The following FHAD1 variants were observed in gnomAD, a reference collection of about 807,000 sequenced individuals.
The protein encoded by FHAD1 is forkhead associated phosphopeptide binding domain 1.
FHAD1 carries 146 observed loss-of-function variants against 191.3 expected under a neutral mutation model. The observed-to-expected ratio is 0.76, with a 90% confidence interval of 0.67 to 0.88. The LOEUF is 0.88. Ranked by LOEUF, FHAD1 falls within the 40% of genes least tolerant of loss-of-function variation. The pLI is 0.00. For missense variants in FHAD1, 1,635 were observed against 1,785.8 expected, an observed-to-expected ratio of 0.92 and a Z score of 1.52; for synonymous variants, 616 against 672.3, an observed-to-expected ratio of 0.92 and a Z score of 1.29.
intron 6 of FHAD1, among the ~76,000 whole-genome samples, chr1:15,303,528 T>C (rs1669463957): frequency 6.6e-6 from 1 of 152,232 alleles, no homozygotes; most frequent in Non-Finnish European, 1.5e-5. Context: ...TCTGGAAATT[T>C]ATCTTTCACC....
rs567495909 is a variant in FHAD1 at position 15,279,433 on chromosome 1, T to C, written c.300+6904T>C. Among the ~76,000 whole-genome samples the C allele has an allele frequency of 3.4e-5, 5 of 145,616 alleles. No homozygotes were observed. In the South Asian group the frequency reaches 1.1e-3, roughly 33 times the overall value. ...TGCTCAAGGGATGCTCAGGAATCTG[T>C]CTGTTAGGGTTACCTCTCTCGGCTT... On this transcript the variant is annotated intron_variant, in intron 3 of 33. Coordinates refer to ENST00000688493, the MANE Select transcript of FHAD1 (RefSeq NM_001391957.1).
intron 33 of FHAD1, among the ~76,000 whole-genome samples, chr1:15,396,450 GTGCTCATATCTGTGTGT>G (rs1339621321): frequency 6.6e-6 from 1 of 152,072 alleles, no homozygotes; most frequent in South Asian, 2.1e-4. Flanking sequence ...TATCTCTTTT[GTGCTCATATCTGTGTGT>G]GTATATATAT....
At chr1:15,341,438 C>T (rs75744811) in intron 15 of FHAD1, among the ~76,000 whole-genome samples, 2,999 of 152,312 alleles carry the variant, frequency 0.02, 110 homozygotes, top group African/African-American at 0.067. Flanking sequence ...GTGCTCAGCA[C>T]TGTGCTAAAA....
Position 15,247,328 on chromosome 1 carries a change from GC to G in FHAD1, c.-79del. On this transcript the variant is annotated 5_prime_UTR_variant, in exon 1 of 34. Transcript: ENST00000688493. ...GCCGGGAGGCTTCGCCCCGGAGCTGGCCCGACGCCTCCCGAGCTGGCAGGGC... is the reference window on the plus strand; with the variant it reads ...GCCGGGAGGCTTCGCCCCGGAGCTGGCCGACGCCTCCCGAGCTGGCAGGGC... The G allele has an allele frequency of 4.3e-6, 1 of 235,196 alleles. No individual in the cohort carries two copies. The highest frequency in any genetic ancestry group is 3.3e-5 in the South Asian group (1 of 30,054). 14.6% of individuals were successfully genotyped at this position (235,196 alleles called of 1,614,324 possible). A position where few individuals can be genotyped will look rare whatever the true frequency, so the allele number is the denominator to read the frequency against.
intron 16 of FHAD1, among the ~76,000 whole-genome samples, chr1:15,344,176 G>A (rs186552807): frequency 6.6e-6 from 1 of 152,280 alleles, no homozygotes; most frequent in East Asian, 1.9e-4. Flanking sequence ...GGGACTCCTT[G>A]GAAAGTTACC....
chr1:15,281,038 A>G (rs1660428489), intron 3 of FHAD1, among the ~76,000 whole-genome samples: 1 of 152,162 alleles, frequency 6.6e-6, no homozygotes, highest in South Asian at 2.1e-4. Context: ...GTATAATCCC[A>G]ATTTCTGGAA....
At chr1:15,401,151 A>C (rs558829206), downstream of FHAD1, among the ~76,000 whole-genome samples, 100 of 152,314 alleles carry the variant, frequency 6.6e-4, no homozygotes, top group Admixed American at 1.7e-3. Context: ...TCCTGTGGCT[A>C]ACTTAAACAG....
chr1:15,343,297 G>C lies in FHAD1; in HGVS notation c.2130+1409G>C, dbSNP rs1211417792. Reference sequence around the variant, plus strand: ...CCGGGTGGTCGCAAAGTGCAGCCACGGTTGCGAGCCACTGTTGTGGGTGGG... The same window carrying C: ...CCGGGTGGTCGCAAAGTGCAGCCACCGTTGCGAGCCACTGTTGTGGGTGGG... On this transcript the variant is annotated intron_variant, in intron 16 of 33. Coordinates refer to ENST00000688493, the MANE Select transcript of FHAD1 (RefSeq NM_001391957.1). 1.3e-5 allele frequency among the ~76,000 whole-genome samples: 2 copies of C among 152,024 alleles called. 1 individual carries two copies. The highest frequency in any genetic ancestry group is 4.8e-5 in the African/African-American group (2 of 41,348).
intron 14 of FHAD1, among the ~76,000 whole-genome samples, chr1:15,339,190 T>C (rs2102155313): frequency 1.3e-5 from 2 of 152,200 alleles, no homozygotes; most frequent in African/African-American, 4.8e-5. Flanking sequence ...CTAGTTTTTG[T>C]ATTTTTAGTG....
At chr1:15,382,377 A>G (rs1197523159) in intron 31 of FHAD1, among the ~76,000 whole-genome samples, 184 bp downstream of exon 31, 1 of 152,204 alleles carries the variant, frequency 6.6e-6, no homozygotes, top group Non-Finnish European at 1.5e-5. Flanking sequence ...ACCACTTGCT[A>G]TGTGACCTTA....
In FHAD1 at chr1:15,349,614, A is replaced by G. The variant is rs959078451; in HGVS notation, c.2454+465A>G. ...GCTCCTGGCCCGGCCTCCTGGTGTC[A>G]TGGACTCCGGAGCAGGCCCTCCCTT... On this transcript the variant is annotated intron_variant, in intron 19 of 33. Transcript: ENST00000688493. Among the ~76,000 whole-genome samples the G allele has an allele frequency of 9.9e-5, 15 of 152,242 alleles. 1 individual carries two copies. Among genetic ancestry groups the G allele is most frequent in the Non-Finnish European group, 1.6e-4 (11 of 68,044 alleles).
chr1:15,399,487 G>GC (rs1706925652), downstream of FHAD1, among the ~76,000 whole-genome samples: 1 of 152,070 alleles, frequency 6.6e-6, no homozygotes, highest in African/African-American at 2.4e-5. Flanking sequence ...GATCGCTTGA[G>GC]CCCAGGAGGT....
rs779510651 is a variant in FHAD1 at position 15,345,536 on chromosome 1, A to G, written c.2346+13A>G. The G allele has an allele frequency of 9.7e-6, 15 of 1,548,276 alleles. No homozygotes were observed. In the Admixed American group the frequency reaches 2.9e-4, roughly 30 times the overall value. ...CCGCCAGAAGGAGGTACGCTCGGGG[A>G]GATAGAGTCGGCTGAGCCCCAGTCG... On this transcript the variant is annotated intron_variant, in intron 18 of 33. Coordinates refer to ENST00000688493, the MANE Select transcript of FHAD1 (RefSeq NM_001391957.1).
In FHAD1 at chr1:15,331,480, GTGGATTGA is replaced by G. The variant is rs1476753731; in HGVS notation, c.1906+1945_1906+1952del. Among the ~76,000 whole-genome samples the G allele has an allele frequency of 3.7e-3, 430 of 117,762 alleles. 4 individuals carry two copies. Among genetic ancestry groups the G allele is most frequent in the African/African-American group, 0.011 (349 of 30,794 alleles). 77.3% of individuals were successfully genotyped at this position (117,762 alleles called of 152,430 possible). ...GATGGAAGGGTGAGTGGGTGGGTGG[GTGGATTGA>G]TGGATGGATGGATGGATGGATGGAT... is the stretch of plus-strand genomic sequence containing the variant. On this transcript the variant is annotated intron_variant, in intron 14 of 33. Coordinates refer to ENST00000688493, the MANE Select transcript of FHAD1 (RefSeq NM_001391957.1).
chr1:15,251,293 A>G (rs988425024), intron 1 of FHAD1, among the ~76,000 whole-genome samples: 1 of 111,072 alleles, frequency 9.0e-6, no homozygotes, highest in Admixed American at 8.0e-5. Flanking sequence ...AAACAAAAAA[A>G]ACCACCCATT....
chr1:15,354,878 A>G (rs1408893340), intron 20 of FHAD1, among the ~76,000 whole-genome samples: 1 of 152,178 alleles, frequency 6.6e-6, no homozygotes, highest in African/African-American at 2.4e-5. Flanking sequence ...GCAAGAAGCA[A>G]CCTTCTCAAC....
chr1:15,287,450 G>A (rs531901), intron 3 of FHAD1, among the ~76,000 whole-genome samples: 77,097 of 151,994 alleles, frequency 0.51, 20,155 homozygotes, highest in East Asian at 0.65. Flanking sequence ...GGAAGCAAAC[G>A]TGTCCTTCCT....
At chr1:15,275,842 T>A (rs191114963) in intron 3 of FHAD1, among the ~76,000 whole-genome samples, 11 of 151,820 alleles carry the variant, frequency 7.2e-5, no homozygotes, top group Admixed American at 1.3e-4. Flanking sequence ...CGCGGTAGAG[T>A]TTTCAAGGAT....
chr1:15,264,818 T>G (rs1466637895), intron 2 of FHAD1, among the ~76,000 whole-genome samples: 1 of 152,192 alleles, frequency 6.6e-6, no homozygotes, highest in Non-Finnish European at 1.5e-5. Flanking sequence ...TTTTCACATA[T>G]GGCCTTTATT....
Sources: allele counts gnomAD v4.1 joint callset (sites outside exome capture counted in the v4.1 genomes callset), GRCh38; gene constraint gnomAD v4.1.1; transcripts MANE v1.5; gene names NCBI Gene and HGNC (gene_info 2026-07-23, HGNC 2026-07-21).